The following TDRD7 variants were observed in gnomAD, a reference collection of about 807,000 sequenced individuals.
The protein encoded by TDRD7 is tudor domain-containing protein 7.
In TDRD7, 47 loss-of-function variants were observed where a neutral mutation model predicts 109.8. The observed-to-expected ratio is 0.43, with a 90% CI of 0.34 to 0.55. TDRD7 has a LOEUF of 0.55. Among genes scored for constraint, TDRD7 ranks in the 20% least tolerant of loss-of-function variants. The pLI is 0.03. For synonymous variants in TDRD7, 424 were observed against 457.3 expected (o/e 0.93, Z 0.93); for missense variants, 1,164 against 1,319.2 (o/e 0.88, Z 1.82).
intron 6 of TDRD7, among the ~76,000 whole-genome samples, chr9:97,442,639 A>G (rs1383009814): frequency 6.6e-6 from 1 of 152,222 alleles, no homozygotes; most frequent in African/African-American, 2.4e-5. Context: ...CAGCTACTCG[A>G]TGCTTCTAGG....
At chr9:97,442,147 C>A (rs1017274174) in intron 6 of TDRD7, among the ~76,000 whole-genome samples, 4 of 152,058 alleles carry the variant, frequency 2.6e-5, no homozygotes, top group African/African-American at 9.7e-5. Flanking sequence ...AATATGTAAA[C>A]CATTTTATAA....
intron 11 of TDRD7, among the ~76,000 whole-genome samples, chr9:97,474,756 A>C (rs961001959): frequency 6.6e-6 from 1 of 152,234 alleles, no homozygotes; most frequent in Non-Finnish European, 1.5e-5. Flanking sequence ...TTCCTACTGC[A>C]CTCGTAACCT....
chr9:97,472,529 C>A (rs1828939613), intron 10 of TDRD7, 34 bp downstream of exon 10: 1 of 1,536,052 alleles, frequency 6.5e-7, no homozygotes, highest in Non-Finnish European at 9.0e-7. Flanking sequence ...GCTTGTTACA[C>A]ATTTTGTATG....
chr9:97,439,036 A>G (rs1828250373), intron 4 of TDRD7, among the ~76,000 whole-genome samples: 1 of 152,178 alleles, frequency 6.6e-6, no homozygotes, highest in Non-Finnish European at 1.5e-5. Context: ...GTTTAAATTT[A>G]GCTTTTAACA....
At chr9:97,459,472 G>A (rs1178889615) in intron 6 of TDRD7, among the ~76,000 whole-genome samples, 1 of 152,144 alleles carries the variant, frequency 6.6e-6, no homozygotes. Flanking sequence ...AAAACTCAGG[G>A]AGAAAAATTA....
chr9:97,413,943 T>G (rs111588341), intron 1 of TDRD7, among the ~76,000 whole-genome samples: 1 of 152,374 alleles, frequency 6.6e-6, no homozygotes, highest in Non-Finnish European at 1.5e-5. Context: ...ACCCCTCTTT[T>G]AAGTTCTCTG....
rs1828043370 is a variant in TDRD7, at chr9:97,428,539, C to A, written c.74C>A (p.Pro25His). The A allele has an allele frequency of 6.2e-7, 1 of 1,613,868 alleles. No individual in the cohort carries two copies. Among genetic ancestry groups the A allele is most frequent in the Non-Finnish European group, 8.5e-7 (1 of 1,179,962 alleles). Reference sequence around the variant, plus strand: ...TCTCATAAGAATGGAGTAGCATTACCCCGGCTCCAAGGAGAGTACAGATCC... The same window carrying A: ...TCTCATAAGAATGGAGTAGCATTACACCGGCTCCAAGGAGAGTACAGATCC... Reference protein sequence around the residue: ...LQSHKNGVALPRLQGEYRSLT... With the variant: ...LQSHKNGVALHRLQGEYRSLT... Residue 25 changes from proline (P) to histidine (H), a missense_variant, in exon 2 of 17, where the codon CCC becomes CAC. Transcript: ENST00000355295.
intron 2 of TDRD7, 46 bp from the exon 3 acceptor site, chr9:97,430,887 G>A (rs749426834): frequency 9.3e-6 from 15 of 1,612,600 alleles, no homozygotes; most frequent in African/African-American, 1.3e-5. Context: ...TAGGCAACAC[G>A]GAATCTGAGA....
In TDRD7 at chr9:97,483,300, G is replaced by A. The variant is rs763575980; in HGVS notation, c.2864G>A (p.Arg955His). Residue 955 changes from arginine to histidine, a missense_variant, in exon 15 of 17, where the codon CGC (arginine) becomes CAC (histidine). Arg to His is a conservative substitution (Grantham distance 29). Around this residue, in one of 5 missense-constraint regions of TDRD7, gnomAD observed 162 missense variants for 222.5 expected, o/e 0.73. Transcript: ENST00000355295. ...MILYYSVSEE[R>H]HIAVEKDQVY... ...CTATATTACAGCGTGTCTGAAGAGC[G>A]CCACATAGCAGTGGAGAAAGACCAA... The A allele has an allele frequency of 2.0e-5, 32 of 1,613,998 alleles. No homozygotes were observed. The highest frequency in any genetic ancestry group is 1.2e-4 in the Admixed American group (7 of 59,962).
chr9:97,425,942 A>G (rs1827986785), intron 1 of TDRD7, among the ~76,000 whole-genome samples: 2 of 152,218 alleles, frequency 1.3e-5, no homozygotes, highest in Non-Finnish European at 2.9e-5. Flanking sequence ...CCTGTTCAGC[A>G]TGTTACTGTA....
intron 16 of TDRD7, among the ~76,000 whole-genome samples, chr9:97,488,926 T>A (rs1829257799): frequency 6.6e-6 from 1 of 152,268 alleles, no homozygotes; most frequent in Admixed American, 6.5e-5. Context: ...TATTTAGAAC[T>A]GTGCTTAATC....
At chr9:97,460,935 A>G (rs540977274) in intron 7 of TDRD7, among the ~76,000 whole-genome samples, 171 bp downstream of exon 7, 4 of 152,188 alleles carry the variant, frequency 2.6e-5, no homozygotes, top group African/African-American at 9.6e-5. Context: ...AGGTCAGGAG[A>G]TCGAGACCAT....
intron 7 of TDRD7, among the ~76,000 whole-genome samples, chr9:97,463,396 T>C (rs1404594823): frequency 2.6e-5 from 4 of 151,768 alleles, no homozygotes; most frequent in Admixed American, 6.6e-5. Context: ...TTTTTTTTTT[T>C]TCTCCTTGTA....
At chr9:97,489,394 A>G (rs1829264267) in intron 16 of TDRD7, among the ~76,000 whole-genome samples, 1 of 152,158 alleles carries the variant, frequency 6.6e-6, no homozygotes, top group Non-Finnish European at 1.5e-5. Flanking sequence ...CCATTATGTA[A>G]TGCCCCTCTT....
At chr9:97,449,214 C>T (rs1828449448) in intron 6 of TDRD7, among the ~76,000 whole-genome samples, 1 of 152,206 alleles carries the variant, frequency 6.6e-6, no homozygotes, top group South Asian at 2.1e-4. Flanking sequence ...ACACAGAAGG[C>T]TTCTGTGACC....
At chr9:97,463,269 T>C (rs571256942) in intron 7 of TDRD7, among the ~76,000 whole-genome samples, 5 of 151,890 alleles carry the variant, frequency 3.3e-5, no homozygotes, top group African/African-American at 1.2e-4. Context: ...ACTATAAGAG[T>C]ATGGCAAAGC....
intron 6 of TDRD7, among the ~76,000 whole-genome samples, chr9:97,450,906 C>CT (rs760367112): frequency 1.4e-3 from 196 of 141,652 alleles, no homozygotes; most frequent in South Asian, 1.6e-3. Flanking sequence ...AGTTAGGTCT[C>CT]TTTTTTTTTT....
At chr9:97,430,011 T>C (rs1828072859) in intron 2 of TDRD7, among the ~76,000 whole-genome samples, 1 of 152,206 alleles carries the variant, frequency 6.6e-6, no homozygotes. Context: ...TATGTTCTTG[T>C]AATATAGTCT....
intron 11 of TDRD7, among the ~76,000 whole-genome samples, chr9:97,474,631 GTTTAAT>G (rs917632667): frequency 1.7e-4 from 26 of 152,310 alleles, no homozygotes; most frequent in African/African-American, 6.3e-4. Flanking sequence ...TGTTACAGAG[GTTTAAT>G]TTTAAGTCTA....
Sources: allele counts gnomAD v4.1 joint callset (sites outside exome capture counted in the v4.1 genomes callset), GRCh38; gene constraint gnomAD v4.1.1; regional missense constraint gnomAD v4.1.1; transcripts MANE v1.5; gene names NCBI Gene and HGNC (gene_info 2026-07-23, HGNC 2026-07-21).